Variants in CDH13 observed in about 807,000 individuals in gnomAD.
The protein encoded by CDH13 is cadherin 13.
In CDH13, 24 loss-of-function variants were observed where a neutral mutation model predicts 63.8. That is an observed-to-expected ratio of 0.38 (90% CI 0.27 to 0.53). The LOEUF (loss-of-function observed/expected upper bound fraction) is 0.53, where lower values mean the gene tolerates loss of function less well. CDH13 is among the 20% of genes least tolerant of loss of function. The pLI, the probability that CDH13 is intolerant of heterozygous loss-of-function variation, is 0.85. For synonymous variants in CDH13, 503 were observed against 355.3 expected, an observed-to-expected ratio of 1.42 and a Z score of -4.67; for missense variants, 1,049 against 903.1, an observed-to-expected ratio of 1.16 and a Z score of -2.07.
Position 83,796,667 on chromosome 16 carries a change from T to C in CDH13, c.*1637T>C, listed in dbSNP as rs962455169. ...TCACTGATGTTGGGTCTTGTCTTAG[T>C]GCAAGTTCACATTTTTGACAGACCA... is the stretch of plus-strand genomic sequence containing the variant. On this transcript the variant is annotated 3_prime_UTR_variant, in exon 14 of 14. Transcript: ENST00000567109. 3 of 152,162 alleles carry C rather than the reference T, an allele frequency of 2.0e-5. No individual in the cohort carries two copies. Among genetic ancestry groups the C allele is most frequent in the South Asian group, 2.1e-4 (1 of 4,826 alleles). The allele number at this position is 152,162 out of a possible 1,614,324, so 9.4% of individuals were successfully genotyped here.
At chr16:82,923,349 G>A (rs1252769758) in intron 2 of CDH13, among the ~76,000 whole-genome samples, 1 of 152,148 alleles carries the variant, frequency 6.6e-6, no homozygotes, top group Non-Finnish European at 1.5e-5. Context: ...AACTACATTT[G>A]GTTTATAGTA....
rs35469549 is a variant in CDH13, at chr16:83,697,599, C to CA, written c.1538+19143dup. ...ATAAGGCCGTGTATTGATGAGTTGACAAAAATGTTGTGACCAGAGGCTTGA... is the reference window on the plus strand; with the variant it reads ...ATAAGGCCGTGTATTGATGAGTTGACAAAAAATGTTGTGACCAGAGGCTTGA... On this transcript the variant is annotated intron_variant, in intron 10 of 13. Coordinates refer to ENST00000567109, the MANE Select transcript of CDH13 (RefSeq NM_001257.5). Among the ~76,000 whole-genome samples the CA allele has an allele frequency of 2.0e-5, 3 of 152,180 alleles. No individual in the cohort carries two copies. In the East Asian group the frequency reaches 5.8e-4, roughly 29 times the overall value.
At chr16:83,777,940 G>T (rs1294192754) in intron 11 of CDH13, among the ~76,000 whole-genome samples, 1 of 152,218 alleles carries the variant, frequency 6.6e-6, no homozygotes, top group African/African-American at 2.4e-5. Context: ...AAACTGATAA[G>T]AACAGATCTG....
chr16:82,628,061 A>T (rs572476404), intron 1 of CDH13, among the ~76,000 whole-genome samples: 9 of 152,180 alleles, frequency 5.9e-5, no homozygotes, highest in Non-Finnish European at 1.2e-4. Flanking sequence ...CACCTCAGAG[A>T]TTTCGGGAAG....
intron 2 of CDH13, among the ~76,000 whole-genome samples, chr16:82,866,390 T>C (rs1330120770): frequency 9.0e-6 from 1 of 110,602 alleles, no homozygotes; most frequent in Non-Finnish European, 1.9e-5. Context: ...TTTTTTTTTT[T>C]TTTTTTTTTT....
chr16:83,125,516 C>T lies in CDH13; in HGVS notation c.483+15C>T. The T allele has an allele frequency of 7.6e-7, 1 of 1,312,180 alleles. No individual in the cohort carries two copies. 81.3% of individuals were successfully genotyped at this position (1,312,180 alleles called of 1,614,324 possible). ...ATGTTGGCAAGGTAAGTCAGACAAA[C>T]AGCAAATGACAAAAACATGTTTTTA... On this transcript the variant is annotated intron_variant, in intron 4 of 13. Coordinates refer to ENST00000567109, the MANE Select transcript of CDH13 (RefSeq NM_001257.5).
intron 8 of CDH13, among the ~76,000 whole-genome samples, chr16:83,668,060 C>T (rs1914159821): frequency 6.6e-6 from 1 of 152,156 alleles, no homozygotes; most frequent in African/African-American, 2.4e-5. Flanking sequence ...CGCAGCTCTG[C>T]TGGAGCACAG....
At chr16:82,825,860 T>TTTG (rs2038223417) in intron 1 of CDH13, 2 of 151,738 alleles carry the variant, frequency 1.3e-5, no homozygotes, top group African/African-American at 4.9e-5. Context: ...ACAATTTTTT[T>TTTG]TTGTTTGTTT....
chr16:83,762,496 A>G (rs1010050544), intron 11 of CDH13, among the ~76,000 whole-genome samples: 2 of 152,204 alleles, frequency 1.3e-5, no homozygotes, highest in East Asian at 1.9e-4. Flanking sequence ...GGCAGTAGCA[A>G]TTAGCACTGG....
intron 3 of CDH13, among the ~76,000 whole-genome samples, chr16:83,102,930 C>CTTTTTTTTTTTTTCTTTTTTTT (rs71148812): frequency 1.0e-5 from 1 of 96,934 alleles, no homozygotes; most frequent in African/African-American, 4.6e-5. Flanking sequence ...TTTTCTTTTT[C>CTTTTTTTTTTTTTCTTTTTTTT]TTTTTTTTTT....
At chr16:83,652,753 G>A (rs913927796) in intron 8 of CDH13, among the ~76,000 whole-genome samples, 2 of 152,112 alleles carry the variant, frequency 1.3e-5, no homozygotes, top group African/African-American at 2.4e-5. Flanking sequence ...AATCCCCAGC[G>A]CCTGCAGCCT....
At chr16:82,941,632 G>A (rs1041458481) in intron 2 of CDH13, among the ~76,000 whole-genome samples, 5 of 152,202 alleles carry the variant, frequency 3.3e-5, no homozygotes, top group South Asian at 2.1e-4. Flanking sequence ...TATTAAACAC[G>A]GCTATTCTTA....
intron 5 of CDH13, among the ~76,000 whole-genome samples, chr16:83,227,662 A>G (rs945419895): frequency 2.0e-5 from 3 of 152,172 alleles, no homozygotes; most frequent in African/African-American, 7.2e-5. Context: ...CCCCCAGGTA[A>G]AAAGCACGTG....
intron 10 of CDH13, among the ~76,000 whole-genome samples, chr16:83,707,947 C>A (rs948631894): frequency 2.0e-5 from 3 of 151,736 alleles, no homozygotes; most frequent in African/African-American, 7.3e-5. Flanking sequence ...ACTCATCCTC[C>A]TGTGAGTTGG....
chr16:83,778,539 G>C (rs1915280044), intron 11 of CDH13, among the ~76,000 whole-genome samples: 1 of 147,672 alleles, frequency 6.8e-6, no homozygotes, highest in Non-Finnish European at 1.5e-5. Flanking sequence ...AAAAAAAAAA[G>C]AAAGAAAGAC....
rs566315638 is a variant in CDH13 at position 83,130,879 on chromosome 16, T to C, written c.483+5378T>C. ...ACTCATATCCTGAAGAATGAAGACATCAAAAGCAAGGTGCTGTGGCAAGTT... is the reference window on the plus strand; with the variant it reads ...ACTCATATCCTGAAGAATGAAGACACCAAAAGCAAGGTGCTGTGGCAAGTT... On this transcript the variant is annotated intron_variant, in intron 4 of 13. Coordinates refer to ENST00000567109, the MANE Select transcript of CDH13 (RefSeq NM_001257.5). 1.9e-3 allele frequency among the ~76,000 whole-genome samples: 287 copies of C among 152,276 alleles called. 4 individuals carry two copies. The highest frequency in any genetic ancestry group is 6.5e-3 in the African/African-American group (272 of 41,558).
At chr16:83,030,045 AC>A (rs935448851) in intron 2 of CDH13, among the ~76,000 whole-genome samples, 3 of 152,170 alleles carry the variant, frequency 2.0e-5, no homozygotes, top group Non-Finnish European at 4.4e-5. Flanking sequence ...ATGCAGAATC[AC>A]CATTGAGGGG....
chr16:83,724,678 C>A (rs548786662), intron 10 of CDH13, among the ~76,000 whole-genome samples: 1 of 152,298 alleles, frequency 6.6e-6, no homozygotes, highest in East Asian at 1.9e-4. Context: ...CTGAAGGAGC[C>A]TATCTCCTAA....
chr16:83,374,391 G>A (rs1475896492), intron 6 of CDH13, among the ~76,000 whole-genome samples: 1 of 152,168 alleles, frequency 6.6e-6, no homozygotes, highest in Non-Finnish European at 1.5e-5. Context: ...GGCAAAGAGT[G>A]TACTTATCTT....
Sources: gnomAD v4.1 joint callset for allele counts (sites outside exome capture counted in the v4.1 genomes callset) on GRCh38, gnomAD v4.1.1 for gene constraint, MANE v1.5 for transcripts, NCBI Gene and HGNC (gene_info 2026-07-23, HGNC 2026-07-21) for gene names.